Variants in THTPA observed in about 807,000 individuals in gnomAD.
The protein encoded by THTPA is thiamine triphosphatase, also known as thiamine-triphosphatase.
Under a neutral mutation model 16.5 loss-of-function variants are expected in THTPA, and 16 were observed. The observed-to-expected ratio is 0.97, with a 90% CI of 0.66 to 1.47. The LOEUF is 1.47. Ranked by LOEUF, THTPA falls within the 40% of genes most tolerant of loss-of-function variation. The pLI is 0.00. For missense variants in THTPA, 281 were observed against 280.9 expected (o/e 1.00, Z 0.00); for synonymous variants, 110 against 115.5 (o/e 0.95, Z 0.30).
At chr14:23,526,163 C>T in the THTPA span, 2 of 1,536,366 alleles carry the variant, frequency 1.3e-6, no homozygotes, top group South Asian at 2.4e-5. Context: ...CAGGGTGGAG[C>T]TCTGGTTGTA....
At chr14:23,524,317 C>T in the THTPA span, 1 of 1,536,350 alleles carries the variant, frequency 6.5e-7, no homozygotes, top group Non-Finnish European at 8.7e-7. The surrounding 1 kb of genome is among the most constrained non-coding windows in gnomAD (Gnocchi z 5.6). Flanking sequence ...CCTGCATGTA[C>T]CAACGGTACA....
chr14:23,554,606 T>C (rs975784021), upstream of THTPA, among the ~76,000 whole-genome samples: 1 of 151,346 alleles, frequency 6.6e-6, no homozygotes, highest in Non-Finnish European at 1.5e-5. Flanking sequence ...CAGGCTGGTC[T>C]CAAACTCCTG....
chr14:23,530,257 G>T, the THTPA span: 1 of 1,260,066 alleles, frequency 7.9e-7, no homozygotes, highest in Non-Finnish European at 1.1e-6. Flanking sequence ...GAGGACATAG[G>T]ACAGAGGAAG....
rs1474514927 is a variant in THTPA, at chr14:23,560,007, A to G, written c.*1167A>G. 1 of 1,611,080 alleles carries G rather than the reference A, an allele frequency of 6.2e-7. No individual in the cohort carries two copies. Among genetic ancestry groups the G allele is most frequent in the Non-Finnish European group, 8.5e-7 (1 of 1,178,148 alleles). Reference sequence around the variant, plus strand: ...CACCCCGAGCTGGAACTGTGTTCCCACTGGGGGCCTGCAGCTGCAGCTGGA... The same window carrying G: ...CACCCCGAGCTGGAACTGTGTTCCCGCTGGGGGCCTGCAGCTGCAGCTGGA... On this transcript the variant is annotated 3_prime_UTR_variant, in exon 2 of 2. Transcript: ENST00000288014.
rs2139045216 is a variant in THTPA at position 23,560,153 on chromosome 14, T to C, written c.*1313T>C. ...AACTCCCCAAGTGCTGATCTCCAGA[T>C]GACTCAATCCCATCTCACACTGTCT... On this transcript the variant is annotated 3_prime_UTR_variant, in exon 2 of 2. Transcript: ENST00000288014. The C allele has an allele frequency of 6.7e-7, 1 of 1,496,340 alleles. No individual in the cohort carries two copies. The highest frequency in any genetic ancestry group is 2.3e-5 in the East Asian group (1 of 43,764). The allele number at this position is 1,496,340 out of a possible 1,614,324, so 92.7% of individuals were successfully genotyped here.
At chr14:23,557,981 T>G (rs777613384) in intron 1 of THTPA, among the ~76,000 whole-genome samples, 2 of 152,224 alleles carry the variant, frequency 1.3e-5, no homozygotes, top group African/African-American at 2.4e-5. Flanking sequence ...AACATTATAG[T>G]TATGTGAGAC....
chr14:23,528,341 T>C, the THTPA span, among the ~76,000 whole-genome samples: 1 of 152,190 alleles, frequency 6.6e-6, no homozygotes, highest in South Asian at 2.1e-4. Context: ...CTTAGGCCGC[T>C]ACCTTGCACT....
the THTPA span, chr14:23,529,810 C>G: frequency 6.6e-7 from 1 of 1,524,502 alleles, no homozygotes; most frequent in African/African-American, 1.4e-5. Context: ...CCTGACAGCC[C>G]TCAAGATGAT....
Position 23,556,436 on chromosome 14 carries a change from TAG to T in THTPA, c.-317_-316del. ...AGTAGCCTCCTGGGGTGGCAAGGTG[TAG>T]AGAGGGGGGCGTTGAAAGGACACCC... On this transcript the variant is annotated 5_prime_UTR_variant, in exon 1 of 2. Coordinates refer to ENST00000288014, the MANE Select transcript of THTPA (RefSeq NM_024328.6). 29 of 339,684 alleles carry T rather than the reference TAG, an allele frequency of 8.5e-5. No individual in the cohort carries two copies. The highest frequency in any genetic ancestry group is 4.3e-4 in the South Asian group (11 of 25,342). 21.0% of individuals were successfully genotyped at this position (339,684 alleles called of 1,614,324 possible).
chr14:23,517,082 C>CT, the THTPA span, among the ~76,000 whole-genome samples: 1 of 152,160 alleles, frequency 6.6e-6, no homozygotes, highest in Non-Finnish European at 1.5e-5. Context: ...GGCCAGACTT[C>CT]TTTCCATGGC....
chr14:23,552,790 G>A (rs1232497225), upstream of THTPA, among the ~76,000 whole-genome samples: 1 of 151,262 alleles, frequency 6.6e-6, no homozygotes, highest in East Asian at 1.9e-4. Flanking sequence ...TAGTAGAGAC[G>A]GGGGTTTCAC....
chr14:23,533,736 G>C, the THTPA span: 1 of 1,555,114 alleles, frequency 6.4e-7, no homozygotes, highest in Non-Finnish European at 8.6e-7. The surrounding 1 kb of genome is among the most constrained non-coding windows in gnomAD (Gnocchi z 4.8). Flanking sequence ...CCAGGTGCTT[G>C]TCAGACTGCA....
the THTPA span, chr14:23,532,511 C>T: frequency 7.1e-7 from 1 of 1,415,844 alleles, no homozygotes. Context: ...TGCATCTCCT[C>T]CCTCTGTCCC....
At chr14:23,551,216 C>G (rs1881920981), upstream of THTPA, 1 of 152,834 alleles carries the variant, frequency 6.5e-6, no homozygotes, top group Non-Finnish European at 1.5e-5. The surrounding 1 kb of genome is among the most constrained non-coding windows in gnomAD (Gnocchi z 5.3). Context: ...CTCTCCGTCC[C>G]CTCCAGCGGC....
chr14:23,520,676 T>C, the THTPA span, among the ~76,000 whole-genome samples: 2 of 151,938 alleles, frequency 1.3e-5, no homozygotes, highest in African/African-American at 4.8e-5. This position sits in a 1 kb window ranked among gnomAD's most constrained non-coding sequence, Gnocchi z 8.7. Context: ...CCTTGGAGGC[T>C]GCGCATAGCA....
chr14:23,517,592 A>G, the THTPA span, among the ~76,000 whole-genome samples: 2 of 152,206 alleles, frequency 1.3e-5, no homozygotes, highest in Non-Finnish European at 2.9e-5. Flanking sequence ...TTTCATGGTG[A>G]CATCATATGA....
rs745311053 is a variant in THTPA at position 23,559,893 on chromosome 14, T to G, written c.*1053T>G. The G allele has an allele frequency of 8.1e-6, 13 of 1,610,642 alleles. No homozygotes were observed. The highest frequency in any genetic ancestry group is 5.5e-5 in the South Asian group (5 of 90,902). On this transcript the variant is annotated 3_prime_UTR_variant, in exon 2 of 2. Transcript: ENST00000288014. ...GGGACCAGGGTTAGCACCCACGGCT[T>G]CTTCTATCCCTGGGTCTTGTCTTGG...
chr14:23,525,815 G>C, the THTPA span: 1 of 1,463,592 alleles, frequency 6.8e-7, no homozygotes. The surrounding 1 kb of genome is among the most constrained non-coding windows in gnomAD (Gnocchi z 5.9). Context: ...TGTCAGCTTG[G>C]GCCCCACCTT....
the THTPA span, chr14:23,535,470 G>T: frequency 9.6e-7 from 1 of 1,038,012 alleles, no homozygotes; most frequent in Non-Finnish European, 1.3e-6. The surrounding 1 kb of genome is among the most constrained non-coding windows in gnomAD (Gnocchi z 4.5). Context: ...CCTCTTCCCT[G>T]AACACCAGAC....
Sources: allele counts gnomAD v4.1 joint callset (sites outside exome capture counted in the v4.1 genomes callset), GRCh38; gene constraint gnomAD v4.1.1; non-coding constraint Gnocchi (gnomAD v3.1); transcripts MANE v1.5; gene names NCBI Gene and HGNC (gene_info 2026-07-23, HGNC 2026-07-21).